The following MSRB3 variants were observed in gnomAD, a reference collection of about 807,000 sequenced individuals.
MSRB3 encodes the protein methionine sulfoxide reductase B3, also known as methionine-R-sulfoxide reductase B3.
In MSRB3, 13 loss-of-function variants were observed where a neutral mutation model predicts 21.0. That is an observed-to-expected ratio of 0.62 (90% CI 0.40 to 0.98). The LOEUF (loss-of-function observed/expected upper bound fraction) is 0.98. Ranked by LOEUF, MSRB3 falls within the 50% of genes least tolerant of loss-of-function variation. MSRB3 has a pLI of 0.00. For synonymous variants in MSRB3, 87 were observed against 88.6 expected, an observed-to-expected ratio of 0.98 and a Z score of 0.10; for missense variants, 199 against 230.3, an observed-to-expected ratio of 0.86 and a Z score of 0.88.
chr12:65,321,263 A>G (rs1749407921), intron 2 of MSRB3, among the ~76,000 whole-genome samples: 1 of 152,164 alleles, frequency 6.6e-6, no homozygotes, highest in African/African-American at 2.4e-5. Context: ...GTACTCCAGG[A>G]AAGTATCCTA....
At chr12:65,333,586 A>G (rs1875565697) in intron 4 of MSRB3, among the ~76,000 whole-genome samples, 1 of 152,176 alleles carries the variant, frequency 6.6e-6, no homozygotes, top group African/African-American at 2.4e-5. Flanking sequence ...CAGGGGACCA[A>G]TTAAGGAAGT....
chr12:65,441,257 G>A (rs553297488), intron 5 of MSRB3, among the ~76,000 whole-genome samples: 7 of 151,866 alleles, frequency 4.6e-5, no homozygotes, highest in East Asian at 1.9e-4. Flanking sequence ...GCAGGACCCC[G>A]GCTCTATGAA....
rs878927506 is a variant in MSRB3, at chr12:65,368,930, C to A, written c.264-68C>A. On this transcript the variant is annotated intron_variant, in intron 4 of 6. Transcript: ENST00000308259. ...ACCTCCCCTCCCAACCACACCCCCCCCCCCCATGAAATAATTGTTCTTTTA... is the reference window on the plus strand; with the variant it reads ...ACCTCCCCTCCCAACCACACCCCCCACCCCCATGAAATAATTGTTCTTTTA... 29 of 621,598 alleles carry A rather than the reference C, an allele frequency of 4.7e-5. 1 individual carries two copies. Among genetic ancestry groups the A allele is most frequent in the East Asian group, 3.7e-4 (11 of 29,516 alleles). 38.5% of individuals were successfully genotyped at this position (621,598 alleles called of 1,614,324 possible).
intron 5 of MSRB3, among the ~76,000 whole-genome samples, chr12:65,413,173 G>C (rs1880806031): frequency 6.6e-6 from 1 of 152,186 alleles, no homozygotes; most frequent in Non-Finnish European, 1.5e-5. Context: ...TTGCTAAAAG[G>C]TCAGAATGTA....
chr12:65,363,708 G>A (rs954720024), intron 4 of MSRB3, among the ~76,000 whole-genome samples: 10 of 152,078 alleles, frequency 6.6e-5, no homozygotes, highest in African/African-American at 2.4e-4. Flanking sequence ...GCTTGGGGCC[G>A]GGCGTGGTGG....
intron 1 of MSRB3, chr12:65,284,147 G>A (rs991225869): frequency 1.3e-5 from 2 of 152,206 alleles, no homozygotes; most frequent in African/African-American, 4.8e-5. Context: ...TAAGTGGAAG[G>A]CTTTTAATGC....
At chr12:65,389,361 T>A (rs964523191) in intron 5 of MSRB3, among the ~76,000 whole-genome samples, 5 of 152,144 alleles carry the variant, frequency 3.3e-5, no homozygotes, top group Admixed American at 3.3e-4. Context: ...TCTCCCAAGG[T>A]CCCTCTTGCA....
At chr12:65,316,507 A>G (rs1287240920) in intron 2 of MSRB3, among the ~76,000 whole-genome samples, 1 of 152,172 alleles carries the variant, frequency 6.6e-6, no homozygotes, top group Non-Finnish European at 1.5e-5. Flanking sequence ...TGTTTAGTTC[A>G]CTGTTACAAT....
chr12:65,322,289 G>A (rs973242272), intron 2 of MSRB3, among the ~76,000 whole-genome samples: 2 of 152,016 alleles, frequency 1.3e-5, no homozygotes, highest in African/African-American at 4.8e-5. Flanking sequence ...TTATTATTTT[G>A]TTAGTTTTTA....
intron 5 of MSRB3, among the ~76,000 whole-genome samples, chr12:65,445,962 TATC>T (rs1330126124): frequency 6.6e-6 from 1 of 152,170 alleles, no homozygotes; most frequent in Admixed American, 6.5e-5. Flanking sequence ...ATATTTTAAA[TATC>T]ATTTTTATTT....
At chr12:65,456,913 GTA>G (rs375936462) in intron 6 of MSRB3, among the ~76,000 whole-genome samples, 10 of 152,134 alleles carry the variant, frequency 6.6e-5, no homozygotes, top group African/African-American at 2.2e-4. Flanking sequence ...AGTGGACTGG[GTA>G]TCTTTCATTT....
chr12:65,318,209 T>C (rs1874426979), intron 2 of MSRB3, among the ~76,000 whole-genome samples: 1 of 152,196 alleles, frequency 6.6e-6, no homozygotes, highest in Admixed American at 6.6e-5. Flanking sequence ...AATTAATTTA[T>C]ATTTGAAATT....
intron 5 of MSRB3, among the ~76,000 whole-genome samples, chr12:65,381,610 T>C (rs1295912189): frequency 6.6e-6 from 1 of 152,128 alleles, no homozygotes; most frequent in Non-Finnish European, 1.5e-5. Context: ...TGATAATGAC[T>C]TTTTAGTTCT....
At chr12:65,429,833 G>A (rs1464814743) in intron 5 of MSRB3, among the ~76,000 whole-genome samples, 4 of 152,154 alleles carry the variant, frequency 2.6e-5, no homozygotes, top group Non-Finnish European at 5.9e-5. Flanking sequence ...AGTTCATACA[G>A]ACCTCTAAGT....
intron 4 of MSRB3, among the ~76,000 whole-genome samples, chr12:65,334,717 G>A (rs1249883773): frequency 1.3e-5 from 2 of 152,178 alleles, no homozygotes; most frequent in Non-Finnish European, 2.9e-5. Flanking sequence ...CCTTAGGGAA[G>A]TCCCTTGGAA....
chr12:65,309,755 G>A (rs114430070), intron 2 of MSRB3, among the ~76,000 whole-genome samples: 1 of 152,096 alleles, frequency 6.6e-6, no homozygotes, highest in South Asian at 2.1e-4. Flanking sequence ...TTCTAAGCAG[G>A]GTGGTGGGGA....
At chr12:65,431,135 T>C (rs994730756) in intron 5 of MSRB3, among the ~76,000 whole-genome samples, 8 of 152,024 alleles carry the variant, frequency 5.3e-5, no homozygotes, top group African/African-American at 1.9e-4. Context: ...CTGATTGGAA[T>C]TTCACGTCTT....
chr12:65,307,004 C>G (rs866943474), intron 1 of MSRB3: 3 of 985,874 alleles, frequency 3.0e-6, no homozygotes, highest in Middle Eastern at 5.2e-4. Flanking sequence ...TGTGGAAGCA[C>G]AGTGAGACTG....
intron 4 of MSRB3, among the ~76,000 whole-genome samples, chr12:65,338,037 A>G (rs968701781): frequency 6.6e-6 from 1 of 152,162 alleles, no homozygotes; most frequent in African/African-American, 2.4e-5. Flanking sequence ...GTACTTGACT[A>G]TTTGTTAAAT....
Sources: gnomAD v4.1 joint callset for allele counts (sites outside exome capture counted in the v4.1 genomes callset) on GRCh38, gnomAD v4.1.1 for gene constraint, MANE v1.5 for transcripts, NCBI Gene and HGNC (gene_info 2026-07-23, HGNC 2026-07-21) for gene names.